Variants in DCLK2 observed in about 807,000 individuals in gnomAD.
DCLK2 encodes the protein serine/threonine-protein kinase DCLK2.
DCLK2 carries 31 observed loss-of-function variants against 78.4 expected under a neutral mutation model. The observed-to-expected ratio is 0.40, with a 90% CI of 0.30 to 0.53. The LOEUF is 0.53. DCLK2 is among the 20% of genes least tolerant of loss of function. The pLI is 0.61. For synonymous variants in DCLK2, 407 were observed against 374.9 expected (o/e 1.09, Z -0.99); for missense variants, 872 against 973.7 (o/e 0.90, Z 1.39).
At chr4:150,149,110 A>G (rs1319687887) in intron 2 of DCLK2, among the ~76,000 whole-genome samples, 2 of 151,860 alleles carry the variant, frequency 1.3e-5, no homozygotes, top group Non-Finnish European at 2.9e-5. Context: ...AGAAAGAAAG[A>G]AAGAAATGGA....
chr4:150,152,687 A>G (rs2150231156), intron 2 of DCLK2, among the ~76,000 whole-genome samples: 1 of 152,348 alleles, frequency 6.6e-6, no homozygotes, highest in East Asian at 1.9e-4. Context: ...ATGCTGACTT[A>G]AATTTTATTT....
At chr4:150,190,213 A>AGATAGATGGATAGATGGATAGATG (rs70937322) in intron 2 of DCLK2, among the ~76,000 whole-genome samples, 1 of 132,844 alleles carries the variant, frequency 7.5e-6, no homozygotes, top group Non-Finnish European at 1.7e-5. Context: ...AGATATAGAT[A>AGATAGATGGATAGATGGATAGATG]GATAGATGGA....
intron 2 of DCLK2, among the ~76,000 whole-genome samples, chr4:150,175,815 G>T (rs1737047085): frequency 6.6e-6 from 1 of 152,184 alleles, no homozygotes. Context: ...CTTTAGTAAG[G>T]TGGAAGTGGC....
chr4:150,098,947 G>A (rs1455449357), intron 1 of DCLK2, among the ~76,000 whole-genome samples: 1 of 151,914 alleles, frequency 6.6e-6, no homozygotes, highest in Non-Finnish European at 1.5e-5. Context: ...CACCTCCCTC[G>A]GCTCCCCAAA....
At chr4:150,145,407 G>A (rs1339423205) in intron 2 of DCLK2, among the ~76,000 whole-genome samples, 5 of 152,128 alleles carry the variant, frequency 3.3e-5, no homozygotes, top group African/African-American at 9.7e-5. Context: ...ATAATAAAAA[G>A]GTTCCCCAAC....
intron 5 of DCLK2, among the ~76,000 whole-genome samples, chr4:150,220,361 G>C (rs1741090923): frequency 6.6e-6 from 1 of 152,168 alleles, no homozygotes; most frequent in South Asian, 2.1e-4. Context: ...GGAACCATTA[G>C]AATTATCTAT....
chr4:150,252,312 C>T (rs1420344519), intron 15 of DCLK2, among the ~76,000 whole-genome samples: 1 of 152,184 alleles, frequency 6.6e-6, no homozygotes, highest in Non-Finnish European at 1.5e-5. Flanking sequence ...CTCAACGTGT[C>T]ATGAAAAAAC....
chr4:150,128,213 T>C (rs1032826440), intron 2 of DCLK2, among the ~76,000 whole-genome samples: 2 of 152,108 alleles, frequency 1.3e-5, no homozygotes, highest in African/African-American at 2.4e-5. Flanking sequence ...AAACAAAGAA[T>C]TGCCAGCGTT....
At chr4:150,250,735 C>T (rs560646937) in intron 15 of DCLK2, among the ~76,000 whole-genome samples, 102 of 151,816 alleles carry the variant, frequency 6.7e-4, no homozygotes, top group African/African-American at 2.3e-3. Flanking sequence ...TCCTTGTTTC[C>T]TACCCAACTA....
intron 2 of DCLK2, among the ~76,000 whole-genome samples, chr4:150,165,472 T>C (rs1469985694): frequency 6.6e-6 from 1 of 152,262 alleles, no homozygotes; most frequent in Non-Finnish European, 1.5e-5. Context: ...AGATTGCTTT[T>C]AAATGTGCAG....
At chr4:150,152,471 G>A (rs1443937620) in intron 2 of DCLK2, among the ~76,000 whole-genome samples, 2 of 152,064 alleles carry the variant, frequency 1.3e-5, no homozygotes, top group Non-Finnish European at 2.9e-5. Context: ...TAGTAGAGAC[G>A]GGGTTTCACC....
intron 2 of DCLK2, among the ~76,000 whole-genome samples, chr4:150,164,683 C>A (rs896224862): frequency 7.9e-5 from 12 of 152,204 alleles, no homozygotes; most frequent in African/African-American, 2.9e-4. Context: ...CCTGTAGTCC[C>A]AGCTACTTGG....
At chr4:150,198,774 G>T (rs911117704) in intron 4 of DCLK2, among the ~76,000 whole-genome samples, 2 of 152,082 alleles carry the variant, frequency 1.3e-5, no homozygotes, top group African/African-American at 4.8e-5. Context: ...GGAAAGAATT[G>T]TGAAAAACCA....
intron 2 of DCLK2, among the ~76,000 whole-genome samples, chr4:150,133,825 A>T (rs1423933716): frequency 1.3e-5 from 2 of 152,198 alleles, no homozygotes; most frequent in African/African-American, 4.8e-5. Context: ...AGTCATGTAA[A>T]CAAGGGTTGT....
chr4:150,229,344 T>C (rs1357777255), intron 8 of DCLK2, among the ~76,000 whole-genome samples: 1 of 152,028 alleles, frequency 6.6e-6, no homozygotes, highest in East Asian at 1.9e-4. Context: ...GAAAACTACC[T>C]GTGCAAATGC....
intron 2 of DCLK2, among the ~76,000 whole-genome samples, chr4:150,180,227 GTTAC>G (rs1226601222): frequency 6.6e-6 from 1 of 152,178 alleles, no homozygotes; most frequent in African/African-American, 2.4e-5. Flanking sequence ...CTTTGCACAA[GTTAC>G]TTACCCTCTT....
At chr4:150,090,910 A>G (rs925295152) in intron 1 of DCLK2, among the ~76,000 whole-genome samples, 1 of 152,184 alleles carries the variant, frequency 6.6e-6, no homozygotes, top group Non-Finnish European at 1.5e-5. Flanking sequence ...CTCTGCAGAA[A>G]TAGGTGTTGT....
intron 3 of DCLK2, among the ~76,000 whole-genome samples, chr4:150,194,189 A>G (rs1738690335): frequency 6.6e-6 from 1 of 152,156 alleles, no homozygotes; most frequent in South Asian, 2.1e-4. Flanking sequence ...CTCGATGTTT[A>G]GATGCACAGG....
intron 2 of DCLK2, among the ~76,000 whole-genome samples, chr4:150,183,418 G>T (rs1351755675): frequency 6.6e-6 from 1 of 152,130 alleles, no homozygotes; most frequent in Admixed American, 6.5e-5. Flanking sequence ...AATAATAAAA[G>T]AGATTTAATT....
Sources: allele counts gnomAD v4.1 joint callset (sites outside exome capture counted in the v4.1 genomes callset), GRCh38; gene constraint gnomAD v4.1.1; transcripts MANE v1.5; gene names NCBI Gene and HGNC (gene_info 2026-07-23, HGNC 2026-07-21).